The following CASD1 variants were observed in gnomAD, a reference collection of about 807,000 sequenced individuals.
CASD1 encodes N-acetylneuraminate (7)9-O-acetyltransferase.
In CASD1, 41 loss-of-function variants were observed where a neutral mutation model predicts 100.0. That is an observed-to-expected ratio of 0.41 (90% CI 0.32 to 0.53). The LOEUF (loss-of-function observed/expected upper bound fraction) is 0.53. CASD1 is among the 20% of genes least tolerant of loss of function. CASD1 has a pLI of 0.25. For synonymous variants in CASD1, 321 were observed against 315.6 expected (o/e 1.02, Z -0.18); for missense variants, 774 against 948.7 (o/e 0.82, Z 2.42).
the CASD1 span, chr7:94,627,298 G>A: frequency 3.3e-5 from 5 of 152,026 alleles, no homozygotes; most frequent in South Asian, 8.3e-4. Flanking sequence ...TTAAAGTATT[G>A]TATTAATTCC....
chr7:94,629,236 T>C, the CASD1 span: 3 of 154,104 alleles, frequency 1.9e-5, no homozygotes, highest in Non-Finnish European at 4.3e-5. Context: ...GACTTCATAA[T>C]TGGTATCACT....
intron 3 of CASD1, among the ~76,000 whole-genome samples, chr7:94,519,052 T>A (rs1276029154): frequency 6.6e-6 from 1 of 152,168 alleles, no homozygotes; most frequent in Non-Finnish European, 1.5e-5. Flanking sequence ...TTTTGGGGCC[T>A]AATTTTCTGC....
the CASD1 span, among the ~76,000 whole-genome samples, chr7:94,610,761 A>C: frequency 6.6e-6 from 1 of 152,338 alleles, no homozygotes. Flanking sequence ...ATATTTAATA[A>C]AGGACTTGTA....
chr7:94,579,530 T>G, the CASD1 span, among the ~76,000 whole-genome samples: 19 of 152,176 alleles, frequency 1.2e-4, no homozygotes, highest in African/African-American at 4.6e-4. Flanking sequence ...ACAAAAATAA[T>G]AAGTAATGTT....
the CASD1 span, chr7:94,624,184 T>C: frequency 5.1e-6 from 2 of 388,996 alleles, no homozygotes; most frequent in East Asian, 3.6e-5. Context: ...AAAAAACAAA[T>C]GATTGTGTCA....
chr7:94,627,337 T>C, the CASD1 span: 3 of 152,086 alleles, frequency 2.0e-5, no homozygotes, highest in African/African-American at 7.2e-5. Context: ...ACAGTTGTTT[T>C]GTTGTTGTTA....
chr7:94,512,494 G>A (rs1028699766), intron 1 of CASD1, among the ~76,000 whole-genome samples: 2 of 152,200 alleles, frequency 1.3e-5, no homozygotes, highest in Non-Finnish European at 2.9e-5. Context: ...TACATATTCA[G>A]TATCTCTTGC....
chr7:94,533,645 A>T, intron 6 of CASD1, 34 bp from the exon 7 acceptor site: 1 of 1,523,294 alleles, frequency 6.6e-7, no homozygotes, highest in South Asian at 1.2e-5. Flanking sequence ...TGTGATAAAT[A>T]CTAAATTAAT....
chr7:94,617,451 C>T, the CASD1 span: 6 of 152,292 alleles, frequency 3.9e-5, no homozygotes, highest in South Asian at 2.1e-4. Context: ...GAACACATTA[C>T]CTTAAGAAAA....
intron 3 of CASD1, among the ~76,000 whole-genome samples, chr7:94,522,865 G>A (rs1207887340): frequency 3.3e-5 from 5 of 152,072 alleles, no homozygotes; most frequent in African/African-American, 1.2e-4. Context: ...GTTTCACCGT[G>A]TTAGCCAGGA....
At chr7:94,547,064 T>A in intron 12 of CASD1, 32 bp from the exon 13 acceptor site, 1 of 1,372,478 alleles carries the variant, frequency 7.3e-7, no homozygotes, top group East Asian at 2.4e-5. Flanking sequence ...TATAAATTTA[T>A]TTTTTAGTAA....
At chr7:94,527,886 A>C (rs1264376001) in intron 4 of CASD1, among the ~76,000 whole-genome samples, 2 of 152,158 alleles carry the variant, frequency 1.3e-5, no homozygotes, top group African/African-American at 4.8e-5. Flanking sequence ...AGGATTTTAG[A>C]TTTTATTCTG....
the CASD1 span, among the ~76,000 whole-genome samples, chr7:94,609,719 G>A: frequency 6.4e-4 from 97 of 152,332 alleles, no homozygotes; most frequent in Middle Eastern, 3.4e-3. Context: ...TCAAATGCTG[G>A]CAAGGATGTG....
At chr7:94,596,884 T>C in the CASD1 span, among the ~76,000 whole-genome samples, 1 of 152,142 alleles carries the variant, frequency 6.6e-6, no homozygotes, top group African/African-American at 2.4e-5. Context: ...GGGTAAACAA[T>C]ATCAGAAATA....
chr7:94,619,983 G>A, the CASD1 span: 2 of 152,144 alleles, frequency 1.3e-5, no homozygotes, highest in Non-Finnish European at 2.9e-5. Context: ...AATATGAAAA[G>A]GTTGATTATC....
the CASD1 span, among the ~76,000 whole-genome samples, chr7:94,591,787 GTGAAAAGACA>G: frequency 6.6e-6 from 1 of 152,162 alleles, no homozygotes; most frequent in Admixed American, 6.6e-5. Flanking sequence ...GCTGGGCTAG[GTGAAAAGACA>G]TGGCTGGTTG....
intron 2 of CASD1, 56 bp downstream of exon 2, chr7:94,517,712 G>T: frequency 9.6e-7 from 1 of 1,037,602 alleles, no homozygotes; most frequent in South Asian, 1.4e-5. Context: ...AATATGTAGT[G>T]GAGAGGGGTT....
the CASD1 span, among the ~76,000 whole-genome samples, chr7:94,568,510 A>G: frequency 2.0e-4 from 30 of 152,234 alleles, no homozygotes; most frequent in Non-Finnish European, 7.3e-5. Flanking sequence ...AGCAAAAACA[A>G]GTAAATCCAA....
chr7:94,518,367 A>G, intron 3 of CASD1, 44 bp downstream of exon 3: 1 of 1,498,314 alleles, frequency 6.7e-7, no homozygotes, highest in Non-Finnish European at 9.0e-7. Context: ...TTAGAAGTTA[A>G]CCAACTGAAT....
Sources: allele counts gnomAD v4.1 joint callset (sites outside exome capture counted in the v4.1 genomes callset), GRCh38; gene constraint gnomAD v4.1.1; transcripts MANE v1.5; gene names NCBI Gene and HGNC (gene_info 2026-07-23, HGNC 2026-07-21).